RGPD4: variants seen among roughly 807,000 people sequenced by gnomAD.
RGPD4 encodes ranBP2-like and GRIP domain-containing protein 4.
Under a neutral mutation model 141.1 loss-of-function variants are expected in RGPD4, and 84 were observed. The ratio of observed to expected loss-of-function variants is 0.60; its 90% confidence interval spans 0.50 to 0.71. RGPD4 has a LOEUF of 0.71. RGPD4 is among the 30% of genes least tolerant of loss of function. The pLI is 0.00. For missense variants in RGPD4, 918 were observed against 1,622.4 expected (o/e 0.57, Z 7.46); for synonymous variants, 298 against 566.8 (o/e 0.53, Z 6.74).
At chr2:107,884,900 G>T (rs1327254555) in intron 22 of RGPD4, among the ~76,000 whole-genome samples, 1 of 151,782 alleles carries the variant, frequency 6.6e-6, no homozygotes, top group Non-Finnish European at 1.5e-5. Flanking sequence ...AAAACCCCTG[G>T]TCTAGAGGCC....
intron 1 of RGPD4, among the ~76,000 whole-genome samples, chr2:107,832,814 T>C (rs1463795904): frequency 6.6e-6 from 1 of 151,828 alleles, no homozygotes; most frequent in South Asian, 2.1e-4. Flanking sequence ...GAGATTCTTG[T>C]TCTTGGTAAC....
rs832378 is a variant in RGPD4 at position 107,858,297 on chromosome 2, A to C, written c.1277-817A>C. 3.3e-5 allele frequency among the ~76,000 whole-genome samples: 5 copies of C among 151,492 alleles called. No homozygotes were observed. The East Asian group carries it at 9.7e-4, about 29-fold the overall frequency. On this transcript the variant is annotated intron_variant, in intron 9 of 22. Coordinates refer to ENST00000408999, the MANE Select transcript of RGPD4 (RefSeq NM_182588.3). ...AGTTATTTCCATAGAGATACCTATA[A>C]ACATAATTACTGAGACAAAGGACAT...
intron 21 of RGPD4, among the ~76,000 whole-genome samples, chr2:107,880,967 G>A (rs933741981): frequency 1.3e-5 from 2 of 151,782 alleles, no homozygotes; most frequent in African/African-American, 4.9e-5. Flanking sequence ...CAGGCCCTGG[G>A]CTCTACATAC....
chr2:107,844,665 G>C (rs1224886100), intron 6 of RGPD4, among the ~76,000 whole-genome samples: 2 of 126,974 alleles, frequency 1.6e-5, no homozygotes, highest in Admixed American at 1.5e-4. Flanking sequence ...GTATCTAAAA[G>C]AACTAACATA....
At chr2:107,832,829 G>T (rs1170832447) in intron 1 of RGPD4, among the ~76,000 whole-genome samples, 2 of 150,966 alleles carry the variant, frequency 1.3e-5, no homozygotes, top group Non-Finnish European at 2.9e-5. Flanking sequence ...GGTAACAAAG[G>T]TTTTCTGGAA....
At chr2:107,881,425 C>T (rs1259693873) in intron 21 of RGPD4, among the ~76,000 whole-genome samples, 1 of 151,804 alleles carries the variant, frequency 6.6e-6, no homozygotes, top group Non-Finnish European at 1.5e-5. Flanking sequence ...TCAAGCGATT[C>T]CCCTGCCTCA....
At position 107,880,053 on chromosome 2, in the gene RGPD4, C is replaced by T. The variant is rs200474679; in HGVS notation, c.5010C>T (p.Asn1670=). The T allele has an allele frequency of 8.1e-5, 131 of 1,611,232 alleles. 1 individual carries two copies. In the South Asian group the frequency reaches 9.2e-4, roughly 11 times the overall value. ...CCACAAAAAGTGCAGATCACTTAAA[C>T]GGCCTGCTTCGGGAAGCAGAGGCAA... ...SSTTKSADHL[N]GLLREAEATS... The change falls in exon 21 of 23, where the codon AAC becomes AAT. Residue 1670 remains asparagine (N), a synonymous_variant. Coordinates refer to ENST00000408999, the MANE Select transcript of RGPD4 (RefSeq NM_182588.3).
At position 107,831,377 on chromosome 2, in the gene RGPD4, AT is replaced by A. The variant is rs1321474855; in HGVS notation, c.72+4297del. Among the ~76,000 whole-genome samples, 356 of 143,522 alleles carry A rather than the reference AT, an allele frequency of 2.5e-3. 1 individual carries two copies. Among genetic ancestry groups the A allele is most frequent in the African/African-American group, 8.4e-3 (338 of 40,100 alleles). 94.2% of individuals were successfully genotyped at this position (143,522 alleles called of 152,430 possible). A position where few individuals can be genotyped will look rare whatever the true frequency, so the allele number is the denominator to read the frequency against. On this transcript the variant is annotated intron_variant, in intron 1 of 22. Coordinates refer to ENST00000408999, the MANE Select transcript of RGPD4 (RefSeq NM_182588.3). ...AGGGTCTTGCTATGTTGCTCATCAA[AT>A]TTTTGGGCATAAATGATCCTCCTAC... is the stretch of plus-strand genomic sequence containing the variant.
intron 18 of RGPD4, among the ~76,000 whole-genome samples, 167 bp downstream of exon 18, chr2:107,866,492 TA>T (rs1470896005): frequency 7.9e-6 from 1 of 126,722 alleles, no homozygotes; most frequent in Non-Finnish European, 1.7e-5. Flanking sequence ...CGGAGATTTT[TA>T]TAATCCCAAG....
At chr2:107,869,823 A>G (rs1278865073) in intron 18 of RGPD4, 60 bp from the exon 19 acceptor site, 6 of 1,531,172 alleles carry the variant, frequency 3.9e-6, no homozygotes, top group Non-Finnish European at 5.2e-6. Flanking sequence ...TTGACTAGAT[A>G]GTCTTAACTG....
chr2:107,831,484 C>A (rs1681483918), intron 1 of RGPD4, among the ~76,000 whole-genome samples: 1 of 147,920 alleles, frequency 6.8e-6, no homozygotes, highest in African/African-American at 2.5e-5. Flanking sequence ...TACATCTATA[C>A]TTCATACTTC....
chr2:107,874,818 C>T (rs1436286257), intron 20 of RGPD4, among the ~76,000 whole-genome samples: 1 of 151,412 alleles, frequency 6.6e-6, no homozygotes, highest in Non-Finnish European at 1.5e-5. Flanking sequence ...GGGGTCTTTA[C>T]TGAGTAATAG....
intron 1 of RGPD4, among the ~76,000 whole-genome samples, chr2:107,831,867 G>C (rs575464840): frequency 8.4e-5 from 11 of 130,262 alleles, no homozygotes; most frequent in Non-Finnish European, 1.8e-4. Flanking sequence ...CACCGGGCCG[G>C]GCCCCATTTT....
At chr2:107,836,925 A>G (rs1681683173) in intron 2 of RGPD4, among the ~76,000 whole-genome samples, 1 of 71,406 alleles carries the variant, frequency 1.4e-5, no homozygotes, top group Non-Finnish European at 3.1e-5. Flanking sequence ...TTTTCTAAAA[A>G]TTGTCTTCTG....
chr2:107,845,752 G>C (rs1296545984), intron 6 of RGPD4, among the ~76,000 whole-genome samples: 3 of 152,072 alleles, frequency 2.0e-5, no homozygotes, highest in Admixed American at 1.3e-4. Flanking sequence ...TTTTAGTAGA[G>C]ACGGAGTGTC....
At chr2:107,846,840 T>C (rs1320857317) in intron 6 of RGPD4, among the ~76,000 whole-genome samples, 1 of 151,402 alleles carries the variant, frequency 6.6e-6, no homozygotes, top group East Asian at 1.9e-4. Flanking sequence ...GTCATTGTTT[T>C]TGCATTTTTG....
At chr2:107,885,222 T>C (rs1415452283) in intron 22 of RGPD4, among the ~76,000 whole-genome samples, 3 of 152,126 alleles carry the variant, frequency 2.0e-5, no homozygotes, top group African/African-American at 7.2e-5. Flanking sequence ...AATCTACTTC[T>C]AGTCACCTAA....
chr2:107,856,180 A>G (rs1279528408), intron 8 of RGPD4, among the ~76,000 whole-genome samples: 1 of 114,644 alleles, frequency 8.7e-6, no homozygotes, highest in Non-Finnish European at 1.8e-5. Flanking sequence ...CAGCCTCCCC[A>G]GTAGCTGGGA....
chr2:107,858,903 C>CAAATAG (rs1682434429), intron 9 of RGPD4, among the ~76,000 whole-genome samples: 1 of 51,126 alleles, frequency 2.0e-5, no homozygotes, highest in African/African-American at 7.8e-5. Context: ...TTCATCACTA[C>CAAATAG]TATTTTTATT....
Sources: allele counts gnomAD v4.1 joint callset (sites outside exome capture counted in the v4.1 genomes callset), GRCh38; gene constraint gnomAD v4.1.1; transcripts MANE v1.5; gene names NCBI Gene and HGNC (gene_info 2026-07-23, HGNC 2026-07-21).